TRDN: variants seen among roughly 807,000 people sequenced by gnomAD.
TRDN encodes triadin.
In TRDN, 161 loss-of-function variants were observed where a neutral mutation model predicts 149.7. That is an observed-to-expected ratio of 1.08 (90% confidence interval 0.95 to 1.23). The LOEUF (loss-of-function observed/expected upper bound fraction) is 1.23, where lower values mean the gene tolerates loss of function less well. TRDN is among the 50% of genes most tolerant of loss of function. The probability of loss-of-function intolerance (pLI) is 0.00; values close to 1 mark genes in which losing one functional copy is unlikely to be tolerated. For synonymous variants in TRDN, 294 were observed against 250.5 expected (o/e 1.17, Z -1.64); for missense variants, 896 against 823.5 (o/e 1.09, Z -1.08).
At chr6:123,305,270 T>C (rs563478213) in intron 24 of TRDN, among the ~76,000 whole-genome samples, 2 of 152,300 alleles carry the variant, frequency 1.3e-5, no homozygotes, top group Admixed American at 1.3e-4. Context: ...TGGTTTGGCT[T>C]CCTAGCTTCA....
intron 23 of TRDN, among the ~76,000 whole-genome samples, chr6:123,318,145 T>C (rs1421582611): frequency 6.6e-6 from 1 of 152,000 alleles, no homozygotes; most frequent in Non-Finnish European, 1.5e-5. Flanking sequence ...CTTTTGATGG[T>C]GAGTTCTGAT....
chr6:123,386,698 G>A (rs1326453942), intron 14 of TRDN, among the ~76,000 whole-genome samples: 1 of 152,174 alleles, frequency 6.6e-6, no homozygotes, highest in African/African-American at 2.4e-5. Context: ...TGCCTGGAAT[G>A]GAGCTGCAGA....
In TRDN at chr6:123,635,323, A is replaced by AACACACACACACACAC. The variant is rs141018949; in HGVS notation, c.22+1415_22+1430dup. Among the ~76,000 whole-genome samples, 317 of 147,262 alleles carry AACACACACACACACAC rather than the reference A, an allele frequency of 2.2e-3. 2 individuals carry two copies. The highest frequency in any genetic ancestry group is 6.7e-3 in the African/African-American group (269 of 39,916). ...CCTGATATCCTCTCACAGAAAAGAA[A>AACACACACACACACAC]ACACACACACACACACACACACACA... On this transcript the variant is annotated intron_variant, in intron 1 of 40. Transcript: ENST00000334268.
chr6:123,462,135 G>A (rs1776486507), intron 10 of TRDN: 1 of 151,886 alleles, frequency 6.6e-6, no homozygotes, highest in Non-Finnish European at 1.5e-5. Flanking sequence ...ATTTTTCCTG[G>A]CCAAACAAAT....
chr6:123,290,816 G>A (rs1777983674), intron 24 of TRDN, among the ~76,000 whole-genome samples: 1 of 152,092 alleles, frequency 6.6e-6, no homozygotes, highest in Non-Finnish European at 1.5e-5. Context: ...AAATATGAGG[G>A]AACCAGTGAG....
chr6:123,583,066 T>C (rs572955217), intron 1 of TRDN, among the ~76,000 whole-genome samples: 10 of 152,276 alleles, frequency 6.6e-5, no homozygotes, highest in East Asian at 5.8e-4. Context: ...AGAATTGGGA[T>C]GACTCAGGAC....
chr6:123,600,452 A>AT (rs113985030), intron 1 of TRDN, among the ~76,000 whole-genome samples: 7,409 of 152,060 alleles, frequency 0.049, 284 homozygotes, highest in East Asian at 0.17. Flanking sequence ...AAGGGGAAAG[A>AT]TTTAGCTTCG....
rs56239280 is a variant in TRDN, at chr6:123,382,023, C to T, written c.1165+95G>A. 102,386 of 915,110 alleles carry T rather than the reference C, an allele frequency of 0.11. 7,021 individuals are homozygous for T. The highest frequency in any genetic ancestry group is 0.2 in the African/African-American group (11,393 of 55,906). 56.7% of individuals were successfully genotyped at this position (915,110 alleles called of 1,614,324 possible). A position where few individuals can be genotyped will look rare whatever the true frequency, so the allele number is the denominator to read the frequency against. On this transcript the variant is annotated intron_variant, in intron 15 of 40. Transcript: ENST00000334268. ...TCATTTTTTCTTCTCCTCTATCCCA[C>T]ACATAATTCTTTCTTCTACATCAAT...
chr6:123,454,656 G>A (rs915815438), intron 10 of TRDN, among the ~76,000 whole-genome samples: 3 of 152,182 alleles, frequency 2.0e-5, no homozygotes, highest in Non-Finnish European at 4.4e-5. Flanking sequence ...CACAGCAGGA[G>A]GTGAGCAGAG....
At chr6:123,397,957 G>C (rs936060731) in intron 12 of TRDN, among the ~76,000 whole-genome samples, 54 of 152,142 alleles carry the variant, frequency 3.5e-4, no homozygotes, top group African/African-American at 1.3e-3. Context: ...CTTTAAAGCT[G>C]TCTCTTGCTA....
rs918751047 is a variant in TRDN at position 123,321,994 on chromosome 6, T to C, written c.1472-5499A>G. 3.3e-5 allele frequency among the ~76,000 whole-genome samples: 5 copies of C among 152,332 alleles called. No individual in the cohort carries two copies. The South Asian group carries it at 1.0e-3, about 32-fold the overall frequency. ...TGAACCAACACCCAGCATCTGCTACTACATAGCTTTTCATCTTATCTGGCT... is the reference window on the plus strand; with the variant it reads ...TGAACCAACACCCAGCATCTGCTACCACATAGCTTTTCATCTTATCTGGCT... On this transcript the variant is annotated intron_variant, in intron 23 of 40. Transcript: ENST00000334268.
intron 8 of TRDN, among the ~76,000 whole-genome samples, chr6:123,499,719 A>AAAAAAAAAAAAAAAAAATAT: frequency 1.0e-4 from 5 of 47,680 alleles, no homozygotes; most frequent in Non-Finnish European, 2.2e-4. Context: ...AAAAAAAAAA[A>AAAAAAAAAAAAAAAAAATAT]ATATATATAT....
intron 20 of TRDN, among the ~76,000 whole-genome samples, chr6:123,360,734 A>AGG (rs1184611487): frequency 6.6e-6 from 1 of 151,296 alleles, no homozygotes; most frequent in Non-Finnish European, 1.5e-5. Context: ...AGAGAGAGAG[A>AGG]GAGAGAGACA....
intron 21 of TRDN, among the ~76,000 whole-genome samples, chr6:123,344,849 T>A (rs933440125): frequency 3.9e-5 from 6 of 152,068 alleles, no homozygotes; most frequent in African/African-American, 1.4e-4. Flanking sequence ...TCTAAGAAGC[T>A]GCCAAATTGT....
intron 4 of TRDN, among the ~76,000 whole-genome samples, chr6:123,541,675 A>G (rs1277083188): frequency 6.6e-6 from 1 of 152,172 alleles, no homozygotes; most frequent in Non-Finnish European, 1.5e-5. Flanking sequence ...ATTTATTTAG[A>G]GGAGACATCC....
intron 24 of TRDN, among the ~76,000 whole-genome samples, chr6:123,313,958 A>T (rs913211516): frequency 6.6e-6 from 1 of 152,114 alleles, no homozygotes; most frequent in African/African-American, 2.4e-5. Flanking sequence ...CATGATGAGG[A>T]TGCCAAAAGC....
intron 20 of TRDN, among the ~76,000 whole-genome samples, chr6:123,357,445 G>C (rs1252110253): frequency 6.6e-6 from 1 of 152,102 alleles, no homozygotes; most frequent in Non-Finnish European, 1.5e-5. Flanking sequence ...AGTTTGAGCA[G>C]AGGATTTCCA....
At chr6:123,347,561 A>G (rs1421292316) in intron 21 of TRDN, among the ~76,000 whole-genome samples, 2 of 152,024 alleles carry the variant, frequency 1.3e-5, no homozygotes, top group East Asian at 3.9e-4. Flanking sequence ...AACTTTAAAT[A>G]TTGTCATTCC....
At chr6:123,548,660 C>T in intron 2 of TRDN, 48 bp from the exon 3 acceptor site, 2 of 1,291,086 alleles carry the variant, frequency 1.5e-6, no homozygotes, top group Non-Finnish European at 2.0e-6. Flanking sequence ...GTGATCATTT[C>T]CAAATAACTT....
Sources: gnomAD v4.1 joint callset for allele counts (sites outside exome capture counted in the v4.1 genomes callset) on GRCh38, gnomAD v4.1.1 for gene constraint, MANE v1.5 for transcripts, NCBI Gene and HGNC (gene_info 2026-07-23, HGNC 2026-07-21) for gene names.